The following SPIRE2 variants were observed in gnomAD, a reference collection of about 807,000 sequenced individuals.
SPIRE2 encodes the protein spire type actin nucleation factor 2.
A neutral mutation model predicts 80.7 loss-of-function variants in SPIRE2; 76 were observed. The observed-to-expected ratio is 0.94, with a 90% confidence interval of 0.78 to 1.14. The LOEUF (loss-of-function observed/expected upper bound fraction) is 1.14, where lower values mean the gene tolerates loss of function less well. SPIRE2 is among the 50% of genes most tolerant of loss of function. The pLI, the probability that SPIRE2 is intolerant of heterozygous loss-of-function variation, is 0.00. For synonymous variants in SPIRE2, 535 were observed against 432.6 expected (o/e 1.24, Z -2.94); for missense variants, 1,196 against 1,015.3 (o/e 1.18, Z -2.42).
intron 12 of SPIRE2, among the ~76,000 whole-genome samples, chr16:89,864,407 G>A (rs2041771388): frequency 6.6e-6 from 1 of 152,180 alleles, no homozygotes; most frequent in South Asian, 2.1e-4. Context: ...CTAAAGCAGA[G>A]ATTGGCAGAC....
intron 6 of SPIRE2, 122 bp downstream of exon 6, chr16:89,855,808 T>A: frequency 9.6e-7 from 1 of 1,041,286 alleles, no homozygotes; most frequent in Non-Finnish European, 1.4e-6. Flanking sequence ...CCAGTGCGTC[T>A]GCGTCACGGG....
At chr16:89,854,463 C>G (rs145878826) in intron 4 of SPIRE2, 24 bp from the exon 5 acceptor site, 1 of 1,611,140 alleles carries the variant, frequency 6.2e-7, no homozygotes, top group Admixed American at 1.7e-5. Context: ...GGGCTGAGAC[C>G]CATTCTCTTC....
intron 7 of SPIRE2, among the ~76,000 whole-genome samples, chr16:89,857,995 G>A (rs944551133): frequency 3.4e-5 from 5 of 147,236 alleles, no homozygotes; most frequent in Non-Finnish European, 5.9e-5. Context: ...CCATTCTCCT[G>A]CCTTAGCTTC....
chr16:89,838,858 C>G (rs1270707436), intron 1 of SPIRE2, among the ~76,000 whole-genome samples: 1 of 151,988 alleles, frequency 6.6e-6, no homozygotes, highest in Non-Finnish European at 1.5e-5. Flanking sequence ...TTTCTCCGCA[C>G]AAAGGGCTCT....
chr16:89,861,508 C>A (rs942827695), intron 10 of SPIRE2, among the ~76,000 whole-genome samples: 1 of 152,204 alleles, frequency 6.6e-6, no homozygotes, highest in Non-Finnish European at 1.5e-5. Flanking sequence ...TCGTATCCCA[C>A]CGAAGGCAGG....
At chr16:89,855,878 C>G in intron 6 of SPIRE2, 192 bp downstream of exon 6, 1 of 934,890 alleles carries the variant, frequency 1.1e-6, no homozygotes. Context: ...GCCCTGGGCC[C>G]TTTTTCTGGG....
intron 2 of SPIRE2, among the ~76,000 whole-genome samples, chr16:89,849,441 A>G (rs1417454873): frequency 6.6e-6 from 1 of 152,224 alleles, no homozygotes; most frequent in Admixed American, 6.5e-5. Flanking sequence ...CATCTGACAT[A>G]AGGAGTGCTG....
intron 1 of SPIRE2, among the ~76,000 whole-genome samples, chr16:89,843,501 T>A (rs141566405): frequency 6.6e-6 from 1 of 151,102 alleles, no homozygotes; most frequent in Non-Finnish European, 1.5e-5. Flanking sequence ...CCGACTTACC[T>A]GCTCTGCAAA....
At position 89,850,587 on chromosome 16, in the gene SPIRE2, C is replaced by A. The variant is rs1312408079; in HGVS notation, c.572C>A (p.Ala191Asp). ...CGGGGCGCACAGGCGCATTACCAGG[C>A]CGTGTGCCGCGCGCTCTTCGTGGAG... ...DPRGAQAHYQ[A>D]VCRALFVETL... The change falls in exon 3 of 15, where the codon GCC becomes GAC. Residue 191 changes from alanine (A) to aspartate (D), a missense_variant. Ala to Asp is a moderately radical substitution (Grantham distance 126, BLOSUM62 -2). Coordinates refer to ENST00000378247, the MANE Select transcript of SPIRE2 (RefSeq NM_032451.2). The A allele has an allele frequency of 2.0e-6, 3 of 1,517,988 alleles. No homozygotes were observed. The highest frequency in any genetic ancestry group is 2.6e-6 in the Non-Finnish European group (3 of 1,138,320). 94.0% of individuals were successfully genotyped at this position (1,517,988 alleles called of 1,614,324 possible).
At chr16:89,835,215 C>T (rs1011289738) in intron 1 of SPIRE2, among the ~76,000 whole-genome samples, 1 of 144,188 alleles carries the variant, frequency 6.9e-6, no homozygotes, top group Admixed American at 6.7e-5. Flanking sequence ...CCTGCGCTCG[C>T]GGTTGGCCGT....
At position 89,868,049 on chromosome 16, in the gene SPIRE2, A is replaced by G. The variant is rs557947487; in HGVS notation, c.1779-140A>G. 1.1e-5 allele frequency: 10 copies of G among 898,064 alleles called. No homozygotes were observed. The African/African-American group carries it at 1.3e-4, about 12-fold the overall frequency. 55.6% of individuals were successfully genotyped at this position (898,064 alleles called of 1,614,324 possible). On this transcript the variant is annotated intron_variant, in intron 12 of 14. Transcript: ENST00000378247. ...GAAAAGCAAGATTTTGGAGTAAAAT[A>G]AAGTACTGAAGTAACCAAGCATCAG...
In SPIRE2 at chr16:89,870,316, T is replaced by C. The variant is rs1166006262; in HGVS notation, c.*44T>C. 25 of 1,327,330 alleles carry C rather than the reference T, an allele frequency of 1.9e-5. No homozygotes were observed. Among genetic ancestry groups the C allele is most frequent in the Non-Finnish European group, 2.4e-5 (23 of 944,662 alleles). The allele number at this position is 1,327,330 out of a possible 1,614,324, so 82.2% of individuals were successfully genotyped here. A position where few individuals can be genotyped will look rare whatever the true frequency, so the allele number is the denominator to read the frequency against. ...CCTCCAGGAGGCACCAGGCAGGCCCTGTATCAGGCTAGGACGCTCTGAGCT... is the reference window on the plus strand; with the variant it reads ...CCTCCAGGAGGCACCAGGCAGGCCCCGTATCAGGCTAGGACGCTCTGAGCT... On this transcript the variant is annotated 3_prime_UTR_variant, in exon 15 of 15. Transcript: ENST00000378247.
chr16:89,833,007 G>T (rs113453426), intron 1 of SPIRE2, among the ~76,000 whole-genome samples: 2,246 of 23,924 alleles, frequency 0.094, 76 homozygotes, highest in South Asian at 0.38. Context: ...TTTTTTTTTT[G>T]TGAGACAGAG....
At chr16:89,856,997 T>G (rs2041696997) in intron 7 of SPIRE2, among the ~76,000 whole-genome samples, 1 of 149,906 alleles carries the variant, frequency 6.7e-6, no homozygotes, top group African/African-American at 2.4e-5. Flanking sequence ...ACCTGAGAAG[T>G]TGATGCCGAA....
At chr16:89,855,429 G>A (rs1463569812) in intron 5 of SPIRE2, among the ~76,000 whole-genome samples, 171 bp from the exon 6 acceptor site, 10 of 152,154 alleles carry the variant, frequency 6.6e-5, no homozygotes, top group Non-Finnish European at 1.3e-4. Context: ...AGCATGGCCT[G>A]TGGATCTGCC....
intron 6 of SPIRE2, 167 bp downstream of exon 6, chr16:89,855,853 G>T: frequency 2.2e-6 from 2 of 895,754 alleles, no homozygotes; most frequent in Non-Finnish European, 1.7e-6. Context: ...CTGTGTGCCA[G>T]CCCGGGGCTG....
intron 1 of SPIRE2, among the ~76,000 whole-genome samples, chr16:89,832,160 A>G (rs965629750): frequency 6.6e-6 from 1 of 152,226 alleles, no homozygotes; most frequent in African/African-American, 2.4e-5. Flanking sequence ...CCCCATGGTT[A>G]CGGCCCATGT....
chr16:89,850,680 G>T lies in SPIRE2; in HGVS notation c.645+20G>T. On this transcript the variant is annotated intron_variant, in intron 3 of 14. Coordinates refer to ENST00000378247, the MANE Select transcript of SPIRE2 (RefSeq NM_032451.2). Reference sequence around the variant, plus strand: ...AAGGAGGTGAGCGGTGGGTGGGGGCGACCGTGGAGGGTCCGGGAGGCCAGG... The same window carrying T: ...AAGGAGGTGAGCGGTGGGTGGGGGCTACCGTGGAGGGTCCGGGAGGCCAGG... 3 of 1,262,164 alleles carry T rather than the reference G, an allele frequency of 2.4e-6. No homozygotes were observed. In the South Asian group the frequency reaches 4.4e-5, roughly 18 times the overall value. The allele number at this position is 1,262,164 out of a possible 1,614,324, so 78.2% of individuals were successfully genotyped here. A position where few individuals can be genotyped will look rare whatever the true frequency, so the allele number is the denominator to read the frequency against.
At chr16:89,860,831 A>G (rs1378185459) in intron 10 of SPIRE2, 36 bp downstream of exon 10, 2 of 1,351,974 alleles carry the variant, frequency 1.5e-6, no homozygotes, top group Non-Finnish European at 2.0e-6. Context: ...AGGGCGGCCC[A>G]GGGGGCGTCT....
Sources: allele counts gnomAD v4.1 joint callset (sites outside exome capture counted in the v4.1 genomes callset), GRCh38; gene constraint gnomAD v4.1.1; transcripts MANE v1.5; gene names NCBI Gene and HGNC (gene_info 2026-07-23, HGNC 2026-07-21).